ACACB: variants seen among roughly 807,000 people sequenced by gnomAD.
ACACB encodes acetyl-CoA carboxylase 2.
In ACACB, 209 loss-of-function variants were observed where a neutral mutation model predicts 278.8. That is an observed-to-expected ratio of 0.75 (90% CI 0.67 to 0.84). The LOEUF (loss-of-function observed/expected upper bound fraction) is 0.84, where lower values mean the gene tolerates loss of function less well. Ranked by LOEUF, ACACB falls within the 40% of genes least tolerant of loss-of-function variation. The probability of loss-of-function intolerance (pLI) is 0.00; values close to 1 mark genes in which losing one functional copy is unlikely to be tolerated. For missense variants in ACACB, 2,850 were observed against 3,269.0 expected, an observed-to-expected ratio of 0.87 and a Z score of 3.13; for synonymous variants, 1,174 against 1,285.6, an observed-to-expected ratio of 0.91 and a Z score of 1.86.
chr12:109,205,078 T>G (rs2045460610), intron 19 of ACACB, among the ~76,000 whole-genome samples: 1 of 152,198 alleles, frequency 6.6e-6, no homozygotes, highest in Non-Finnish European at 1.5e-5. Context: ...GATCTTGACC[T>G]CCTGGCCTCA....
chr12:109,200,615 T>C (rs2045303422), intron 18 of ACACB, among the ~76,000 whole-genome samples: 1 of 152,170 alleles, frequency 6.6e-6, no homozygotes, highest in Non-Finnish European at 1.5e-5. Context: ...GTTCTAAGCA[T>C]TTTACTGATC....
At chr12:109,163,235 G>T (rs1454456866) in intron 2 of ACACB, among the ~76,000 whole-genome samples, 1 of 152,094 alleles carries the variant, frequency 6.6e-6, no homozygotes. Context: ...CTGAGGTCCA[G>T]TTTCTCATAT....
At position 109,179,223 on chromosome 12, in the gene ACACB, C is replaced by T. The variant is rs767740857; in HGVS notation, c.1573C>T (p.Arg525Trp). The T allele has an allele frequency of 7.4e-6, 12 of 1,614,040 alleles. No homozygotes were observed. The highest frequency in any genetic ancestry group is 1.1e-5 in the South Asian group (1 of 91,064). ...SLFGRDCSIQRRHQKIVEEAP... is the reference protein window; with the variant it reads ...SLFGRDCSIQWRHQKIVEEAP... ...GTTTGGTCGCGACTGCTCCATCCAG[C>T]GGCGGCATCAGAAGATCGTTGAGGA... is the stretch of plus-strand genomic sequence containing the variant. Residue 525 changes from arginine to tryptophan, a missense_variant, in exon 10 of 53, where the codon CGG becomes TGG. By Grantham distance (101) the Arg-to-Trp change is moderately radical. Around this residue, in one of 3 missense-constraint regions of ACACB, gnomAD observed 2,265 missense variants for 2,561.3 expected, o/e 0.88. Coordinates refer to ENST00000338432, the MANE Select transcript of ACACB (RefSeq NM_001093.4).
chr12:109,187,493 C>G (rs900279077), intron 12 of ACACB, among the ~76,000 whole-genome samples: 1 of 151,466 alleles, frequency 6.6e-6, no homozygotes, highest in African/African-American at 2.4e-5. Context: ...CAGGTTCTTG[C>G]TCTGTCACCC....
At chr12:109,181,202 C>T (rs1413832762) in intron 11 of ACACB, among the ~76,000 whole-genome samples, 1 of 151,128 alleles carries the variant, frequency 6.6e-6, no homozygotes, top group South Asian at 2.1e-4. Context: ...TGTGTATGTA[C>T]CACATTTTCT....
chr12:109,153,421 C>T (rs7131928), intron 2 of ACACB, among the ~76,000 whole-genome samples: 9 of 152,170 alleles, frequency 5.9e-5, no homozygotes, highest in African/African-American at 2.2e-4. Flanking sequence ...TGAAGTTTCG[C>T]TGAAAAATTA....
chr12:109,215,793 C>G (rs1312034603), intron 22 of ACACB, among the ~76,000 whole-genome samples: 1 of 151,924 alleles, frequency 6.6e-6, no homozygotes. Context: ...TTTAAATTAA[C>G]TAATTAATTA....
chr12:109,260,309 C>A (rs770821080), intron 47 of ACACB, among the ~76,000 whole-genome samples, 171 bp from the exon 48 acceptor site: 1 of 152,120 alleles, frequency 6.6e-6, no homozygotes, highest in East Asian at 1.9e-4. Flanking sequence ...ATGACCTGTT[C>A]GAGGTCACAC....
At chr12:109,191,822 G>T in intron 14 of ACACB, 25 bp from the exon 15 acceptor site, 1 of 1,614,176 alleles carries the variant, frequency 6.2e-7, no homozygotes, top group Non-Finnish European at 8.5e-7. Context: ...GCTTCCTGAG[G>T]ATACTGAAGT....
intron 11 of ACACB, among the ~76,000 whole-genome samples, chr12:109,181,877 C>T (rs1363287076): frequency 7.3e-4 from 73 of 100,016 alleles, no homozygotes; most frequent in Admixed American, 1.3e-3. Flanking sequence ...GTGAGTCTTG[C>T]TCTGTTGCCC....
intron 2 of ACACB, among the ~76,000 whole-genome samples, chr12:109,166,614 C>T (rs2043903485): frequency 8.0e-6 from 1 of 124,312 alleles, no homozygotes; most frequent in Admixed American, 1.0e-4. Context: ...TGCACCACTG[C>T]ATACTAGCCT....
Position 109,254,297 on chromosome 12 carries a change from C to T in ACACB, c.6129C>T (p.Tyr2043=), listed in dbSNP as rs144782475. Residue 2043 remains tyrosine, a synonymous_variant, in exon 44 of 53, where the codon TAC becomes TAT. Coordinates refer to ENST00000338432, the MANE Select transcript of ACACB (RefSeq NM_001093.4). ...AATTCCTCCCATCCAGAGCTCCCTA[C>T]GACCCCCGGTGGATGCTTGCAGGAA... ...EIEFLPSRAP[Y]DPRWMLAGRP... is the part of the protein sequence containing the mutation. 4.2e-5 allele frequency: 68 copies of T among 1,613,592 alleles called. No individual in the cohort carries two copies. The Admixed American group carries it at 4.3e-4, about 10-fold the overall frequency.
chr12:109,120,003 T>G (rs1437627466), intron 1 of ACACB, among the ~76,000 whole-genome samples: 3 of 152,204 alleles, frequency 2.0e-5, no homozygotes, highest in African/African-American at 7.2e-5. Flanking sequence ...GAGGACAACT[T>G]GAACACACTC....
chr12:109,217,028 T>C, intron 24 of ACACB, 108 bp downstream of exon 24: 1 of 1,397,216 alleles, frequency 7.2e-7, no homozygotes, highest in South Asian at 1.4e-5. Context: ...ATGCCTGTAA[T>C]CCCATCACTT....
At chr12:109,216,269 T>C (rs572826535) in intron 22 of ACACB, among the ~76,000 whole-genome samples, 30 of 149,162 alleles carry the variant, frequency 2.0e-4, no homozygotes, top group African/African-American at 6.9e-4. Flanking sequence ...TCGCCCAGGC[T>C]GGAGTGCAGT....
At chr12:109,140,890 C>CTTTTTTTTTTTTTTTT (rs386377714) in intron 2 of ACACB, among the ~76,000 whole-genome samples, 1 of 86,754 alleles carries the variant, frequency 1.2e-5, no homozygotes, top group Non-Finnish European at 2.3e-5. Context: ...TTCATTCATT[C>CTTTTTTTTTTTTTTTT]TTTTTTTTTT....
At position 109,139,324 on chromosome 12, in the gene ACACB, C is replaced by T. The variant is rs578034031; in HGVS notation, c.-9-73C>T. Reference sequence around the variant, plus strand: ...ACACAGCACCCCAACAGCCTCCTGCCCCACTAGCTTCTTTAGGAGAGAAAT... The same window carrying T: ...ACACAGCACCCCAACAGCCTCCTGCTCCACTAGCTTCTTTAGGAGAGAAAT... On this transcript the variant is annotated intron_variant, in intron 1 of 52. Coordinates refer to ENST00000338432, the MANE Select transcript of ACACB (RefSeq NM_001093.4). 4.2e-6 allele frequency: 6 copies of T among 1,422,442 alleles called. No individual in the cohort carries two copies. In the Admixed American group the frequency reaches 6.3e-5, roughly 15 times the overall value. 88.1% of individuals were successfully genotyped at this position (1,422,442 alleles called of 1,614,324 possible).
At chr12:109,251,687 C>T (rs984252885) in intron 41 of ACACB, among the ~76,000 whole-genome samples, 1 of 152,166 alleles carries the variant, frequency 6.6e-6, no homozygotes, top group Non-Finnish European at 1.5e-5. Context: ...TTGAATTTCA[C>T]CAGTTTTTAC....
rs2043057628 is a variant in ACACB, at chr12:109,139,841, T to TC, written c.441dup (p.Ser148LeufsTer24). 1 of 1,613,954 alleles carries TC rather than the reference T, an allele frequency of 6.2e-7. No homozygotes were observed. Among genetic ancestry groups the TC allele is most frequent in the Non-Finnish European group, 8.5e-7 (1 of 1,179,960 alleles). ...CAGGCCCCAGGGCCAGCAAGCTGGCTCCCCCTCCAAAGAAGACAAGAAGCA... is the reference window on the plus strand; with the variant it reads ...CAGGCCCCAGGGCCAGCAAGCTGGCTCCCCCCTCCAAAGAAGACAAGAAGCA... On this transcript the variant is annotated frameshift_variant, in exon 2 of 53. Transcript: ENST00000338432. LOFTEE classifies it high-confidence loss of function.
Sources: gnomAD v4.1 joint callset for allele counts (sites outside exome capture counted in the v4.1 genomes callset) on GRCh38, gnomAD v4.1.1 for gene constraint, gnomAD v4.1.1 regional missense constraint, MANE v1.5 for transcripts, NCBI Gene and HGNC (gene_info 2026-07-23, HGNC 2026-07-21) for gene names.